KIF1B: variants seen among roughly 807,000 people sequenced by gnomAD.
KIF1B encodes the protein kinesin family member 1B, also known as kinesin-like protein KIF1B.
KIF1B carries 76 observed loss-of-function variants against 241.9 expected under a neutral mutation model. The observed-to-expected ratio is 0.31, with a 90% CI of 0.26 to 0.38. KIF1B has a LOEUF of 0.38. Among genes scored for constraint, KIF1B ranks in the 10% least tolerant of loss-of-function variants. The pLI is 1.00. For synonymous variants in KIF1B, 750 were observed against 796.7 expected (o/e 0.94, Z 0.99); for missense variants, 1,622 against 2,271.4 (o/e 0.71, Z 5.81).
intron 22 of KIF1B, 92 bp downstream of exon 22, chr1:10,297,338 T>A: frequency 9.2e-7 from 1 of 1,089,136 alleles, no homozygotes; most frequent in East Asian, 2.4e-5. Flanking sequence ...CCCAAATTGC[T>A]TCTGTCTCAA....
intron 11 of KIF1B, among the ~76,000 whole-genome samples, chr1:10,275,716 C>A (rs1381235164): frequency 6.6e-6 from 1 of 152,136 alleles, no homozygotes; most frequent in East Asian, 1.9e-4. Context: ...TCATTTTCTT[C>A]AGGGCATGAA....
At chr1:10,318,449 C>T (rs768714168) in intron 22 of KIF1B, among the ~76,000 whole-genome samples, 4 of 151,490 alleles carry the variant, frequency 2.6e-5, no homozygotes, top group African/African-American at 4.9e-5. Context: ...GGGCTGGGTG[C>T]GGTGGCTCAC....
chr1:10,242,621 A>G (rs937324494), intron 2 of KIF1B, among the ~76,000 whole-genome samples: 2 of 152,034 alleles, frequency 1.3e-5, no homozygotes, highest in African/African-American at 2.4e-5. Context: ...GGTTCAAACA[A>G]TTCTCCTGCC....
intron 15 of KIF1B, among the ~76,000 whole-genome samples, chr1:10,285,560 A>G (rs1245270918): frequency 2.0e-5 from 3 of 152,242 alleles, no homozygotes; most frequent in Non-Finnish European, 2.9e-5. Flanking sequence ...TCCTTACGCC[A>G]AAATAAAGAA....
intron 28 of KIF1B, among the ~76,000 whole-genome samples, chr1:10,336,258 C>T (rs1557721882): frequency 6.6e-6 from 1 of 152,156 alleles, no homozygotes; most frequent in African/African-American, 2.4e-5. Context: ...AAGCAATTCT[C>T]CTGCCTCAGC....
intron 33 of KIF1B, among the ~76,000 whole-genome samples, chr1:10,342,632 T>G (rs1458024042): frequency 6.6e-6 from 1 of 152,220 alleles, no homozygotes; most frequent in Non-Finnish European, 1.5e-5. Context: ...TTAAATGAGA[T>G]TTAGCCTGTT....
Position 10,324,628 on chromosome 1 carries a change from T to G in KIF1B, c.2538-130T>G, listed in dbSNP as rs1340634672. The G allele has an allele frequency of 7.3e-5, 79 of 1,080,276 alleles. No homozygotes were observed. In the Admixed American group the frequency reaches 1.6e-3, roughly 22 times the overall value. The allele number at this position is 1,080,276 out of a possible 1,614,324, so 66.9% of individuals were successfully genotyped here. On this transcript the variant is annotated intron_variant, in intron 25 of 48. Coordinates refer to ENST00000676179, the MANE Select transcript of KIF1B (RefSeq NM_001365951.3). ...TATTTTTGGGCTTCATTCTTTTTAG[T>G]AACATTAAACAGTGGGAGCAACTCC...
intron 10 of KIF1B, among the ~76,000 whole-genome samples, chr1:10,274,040 G>A (rs533345412): frequency 2.7e-5 from 4 of 150,082 alleles, no homozygotes; most frequent in Admixed American, 6.7e-5. Flanking sequence ...GGGTTCAAGC[G>A]ATTGTCCTGC....
intron 22 of KIF1B, among the ~76,000 whole-genome samples, chr1:10,301,408 G>A (rs914544791): frequency 1.3e-5 from 2 of 152,044 alleles, no homozygotes; most frequent in African/African-American, 2.4e-5. Flanking sequence ...GCTCACCCCT[G>A]TAATCCCAGC....
chr1:10,248,900 C>T (rs4846204), intron 2 of KIF1B, among the ~76,000 whole-genome samples: 14,345 of 152,130 alleles, frequency 0.094, 941 homozygotes, highest in South Asian at 0.18. Flanking sequence ...CCAGAGCAAC[C>T]TAGATTGAAG....
intron 25 of KIF1B, 125 bp from the exon 26 acceptor site, chr1:10,324,633 T>G: frequency 8.7e-7 from 1 of 1,150,788 alleles, no homozygotes; most frequent in Non-Finnish European, 1.3e-6. Flanking sequence ...TTTAGTAACA[T>G]TAAACAGTGG....
At chr1:10,282,245 C>T in intron 14 of KIF1B, 77 bp from the exon 15 acceptor site, 7 of 1,160,578 alleles carry the variant, frequency 6.0e-6, no homozygotes, top group African/African-American at 1.5e-5. Context: ...AACGATATTC[C>T]TTCCTGTCTT....
At chr1:10,334,439 G>A in intron 27 of KIF1B, 81 bp from the exon 28 acceptor site, 1 of 1,054,744 alleles carries the variant, frequency 9.5e-7, no homozygotes, top group Non-Finnish European at 1.5e-6. Context: ...ACAGTTGCAG[G>A]AAGATGTTCT....
chr1:10,349,656 A>C (rs1652718776), intron 37 of KIF1B, among the ~76,000 whole-genome samples: 2 of 151,188 alleles, frequency 1.3e-5, no homozygotes, highest in South Asian at 4.2e-4. Flanking sequence ...AAGCATTTTG[A>C]GTAAGAGAGT....
Position 10,381,084 on chromosome 1 carries a change from A to G in KIF1B, c.*4497A>G. On this transcript the variant is annotated 3_prime_UTR_variant, in exon 49 of 49. Coordinates refer to ENST00000676179, the MANE Select transcript of KIF1B (RefSeq NM_001365951.3). ...TCTGAGCTGAGGTTGGTCTCTTGCC[A>G]AACCGTGGCTGTTGTGTGTTGTTCT... The G allele has an allele frequency of 4.5e-6, 1 of 223,156 alleles. No individual in the cohort carries two copies. Among genetic ancestry groups the G allele is most frequent in the Non-Finnish European group, 9.0e-6 (1 of 111,664 alleles). The allele number at this position is 223,156 out of a possible 1,614,324, so 13.8% of individuals were successfully genotyped here. A position where few individuals can be genotyped will look rare whatever the true frequency, so the allele number is the denominator to read the frequency against.
chr1:10,352,570 A>C, intron 37 of KIF1B, 61 bp from the exon 38 acceptor site: 1 of 1,405,040 alleles, frequency 7.1e-7, no homozygotes, highest in Non-Finnish European at 1.0e-6. Context: ...TTTGGGCTTA[A>C]TGAATTCATG....
intron 2 of KIF1B, among the ~76,000 whole-genome samples, chr1:10,235,950 C>T (rs964283723): frequency 4.0e-5 from 6 of 150,488 alleles, no homozygotes; most frequent in African/African-American, 1.5e-4. Flanking sequence ...TTAAGCTGGA[C>T]CTTGGGATGT....
intron 44 of KIF1B, among the ~76,000 whole-genome samples, chr1:10,370,593 TAAGAAG>T (rs70997223): frequency 1.4e-5 from 2 of 141,378 alleles, no homozygotes; most frequent in East Asian, 2.1e-4. Flanking sequence ...ATAATAATAA[TAAGAAG>T]AAGAAGAAGA....
intron 44 of KIF1B, among the ~76,000 whole-genome samples, chr1:10,370,513 A>G (rs1305183808): frequency 6.6e-6 from 1 of 152,006 alleles, no homozygotes; most frequent in African/African-American, 2.4e-5. Context: ...ACAGTGAGCC[A>G]ACATCGCACC....
Sources: allele counts gnomAD v4.1 joint callset (sites outside exome capture counted in the v4.1 genomes callset), GRCh38; gene constraint gnomAD v4.1.1; transcripts MANE v1.5; gene names NCBI Gene and HGNC (gene_info 2026-07-23, HGNC 2026-07-21).